The following CEBPZ variants were observed in gnomAD, a reference collection of about 807,000 sequenced individuals.
The protein encoded by CEBPZ is CCAAT enhancer binding protein zeta.
A neutral mutation model predicts 104.5 loss-of-function variants in CEBPZ; 78 were observed. That is an observed-to-expected ratio of 0.75 (90% CI 0.62 to 0.90). The LOEUF (loss-of-function observed/expected upper bound fraction) is 0.90, where lower values mean the gene tolerates loss of function less well. CEBPZ is among the 40% of genes least tolerant of loss of function. The probability of loss-of-function intolerance (pLI) is 0.00; values close to 1 mark genes in which losing one functional copy is unlikely to be tolerated. For missense variants in CEBPZ, 1,439 were observed against 1,233.5 expected, an observed-to-expected ratio of 1.17 and a Z score of -2.50; for synonymous variants, 470 against 427.0, an observed-to-expected ratio of 1.10 and a Z score of -1.24.
chr2:37,205,034 C>G (rs1249357436), intron 13 of CEBPZ, among the ~76,000 whole-genome samples: 1 of 152,148 alleles, frequency 6.6e-6, no homozygotes, highest in Non-Finnish European at 1.5e-5. Context: ...TATGCTAATA[C>G]TAAAACATGA....
At chr2:37,215,743 G>A (rs1677851698) in intron 8 of CEBPZ, among the ~76,000 whole-genome samples, 1 of 152,126 alleles carries the variant, frequency 6.6e-6, no homozygotes. Context: ...AAAACCAGCT[G>A]TGGGTTTTTG....
intron 2 of CEBPZ, among the ~76,000 whole-genome samples, chr2:37,225,530 TAAAC>T (rs1185695220): frequency 7.1e-6 from 1 of 140,274 alleles, no homozygotes; most frequent in Admixed American, 7.4e-5. Flanking sequence ...TGTGCTTTGT[TAAAC>T]AGATGCTTGA....
intron 13 of CEBPZ, chr2:37,210,254 G>A (rs927396297): frequency 1.3e-5 from 2 of 152,174 alleles, no homozygotes; most frequent in Non-Finnish European, 2.9e-5. Flanking sequence ...ACTATCATTT[G>A]ATCTAGCAAT....
chr2:37,209,824 A>T (rs1363880774), intron 13 of CEBPZ: 1 of 152,206 alleles, frequency 6.6e-6, no homozygotes, highest in Non-Finnish European at 1.5e-5. Flanking sequence ...CAAAATAAAT[A>T]ATCAGCAGAG....
chr2:37,212,829 C>G (rs1395561792), intron 10 of CEBPZ, among the ~76,000 whole-genome samples: 2 of 133,672 alleles, frequency 1.5e-5, no homozygotes, highest in African/African-American at 5.5e-5. Flanking sequence ...AAGACCCTAT[C>G]TCTATTAAAA....
At chr2:37,225,031 C>A (rs1182854086) in intron 2 of CEBPZ, among the ~76,000 whole-genome samples, 1 of 145,672 alleles carries the variant, frequency 6.9e-6, no homozygotes, top group East Asian at 2.0e-4. Context: ...ATGAAACCAC[C>A]CCCCTTCAAA....
intron 8 of CEBPZ, 129 bp downstream of exon 8, chr2:37,216,011 G>GA (rs1677858245): frequency 1.5e-6 from 1 of 661,958 alleles, no homozygotes; most frequent in African/African-American, 1.9e-5. Context: ...CTATTCTTGG[G>GA]AAAAAAGATG....
At position 37,228,840 on chromosome 2, in the gene CEBPZ, A is replaced by G; in HGVS notation, c.353T>C (p.Val118Ala). 1 of 1,600,582 alleles carries G rather than the reference A, an allele frequency of 6.2e-7. No individual in the cohort carries two copies. The highest frequency in any genetic ancestry group is 8.5e-7 in the Non-Finnish European group (1 of 1,176,026). ...AEKENSSKKE[V>A]KIPKINNKNT... ...TTTATTATTTATTTTAGGTATTTTT[A>G]CTTCTTTTTTGCTGGAATTTTCTTT... Residue 118 changes from valine (V) to alanine (A), a missense_variant, in exon 2 of 16, where the codon GTA becomes GCA. Transcript: ENST00000234170.
In CEBPZ at chr2:37,220,306, ACT is replaced by A. The variant is rs10586539; in HGVS notation, c.2154+77_2154+78del. 2,210 of 370,696 alleles carry A rather than the reference ACT, an allele frequency of 6.0e-3. 43 individuals carry two copies. The highest frequency in any genetic ancestry group is 0.048 in the African/African-American group (2,068 of 43,498). 23.0% of individuals were successfully genotyped at this position (370,696 alleles called of 1,614,324 possible). On this transcript the variant is annotated intron_variant, in intron 5 of 15. Transcript: ENST00000234170. ...CACTCCAGCCTGGTGACAGAGGAAG[ACT>A]CTGTCTCAAAAAAAAAAAAAATATA...
rs1483549748 is a variant in CEBPZ at position 37,228,613 on chromosome 2, A to C, written c.580T>G (p.Leu194Val). 2 of 1,614,188 alleles carry C rather than the reference A, an allele frequency of 1.2e-6. No individual in the cohort carries two copies. Among genetic ancestry groups the C allele is most frequent in the Non-Finnish European group, 1.7e-6 (2 of 1,180,040 alleles). ...YDLEYSNEYSLKPQPQDVVSK... is the reference protein window; with the variant it reads ...YDLEYSNEYSVKPQPQDVVSK... ...ACAACATCCTGAGGCTGGGGTTTCA[A>C]AGAATATTCATTGCTGTACTCCAGA... The change falls in exon 2 of 16, where the codon TTG (leucine) becomes GTG (valine). Residue 194 changes from leucine to valine, a missense_variant. Physicochemically the swap from Leu to Val is conservative, Grantham distance 32. Coordinates refer to ENST00000234170, the MANE Select transcript of CEBPZ (RefSeq NM_005760.3).
In CEBPZ at chr2:37,212,412, T is replaced by C. The variant is rs1400899471; in HGVS notation, c.2546-20A>G. On this transcript the variant is annotated intron_variant, in intron 10 of 15. Transcript: ENST00000234170. Reference sequence around the variant, plus strand: ...ATGTGTCTGCCAGACAATACAGAAATGTGAGATACAACAAAGAATGACAAG... The same window carrying C: ...ATGTGTCTGCCAGACAATACAGAAACGTGAGATACAACAAAGAATGACAAG... The C allele has an allele frequency of 6.3e-7, 1 of 1,598,542 alleles. No individual in the cohort carries two copies. The highest frequency in any genetic ancestry group is 2.2e-5 in the East Asian group (1 of 44,736).
In CEBPZ at chr2:37,227,659, A is replaced by ATATG; in HGVS notation, c.1533_1534insCATA (p.Phe512HisfsTer3). 2 of 1,614,210 alleles carry ATATG rather than the reference A, an allele frequency of 1.2e-6. No individual in the cohort carries two copies. Among genetic ancestry groups the ATATG allele is most frequent in the Non-Finnish European group, 1.7e-6 (2 of 1,180,036 alleles). On this transcript the variant is annotated frameshift_variant, in exon 2 of 16. Coordinates refer to ENST00000234170, the MANE Select transcript of CEBPZ (RefSeq NM_005760.3). LOFTEE classifies it high-confidence loss of function. ...AAATTCACAATATGCAACACTTTAA[A>ATATG]CAGTGTGTCAATCTGCTCCCTTACT...
chr2:37,210,460 T>C (rs145203511), intron 13 of CEBPZ: 1,949 of 152,390 alleles, frequency 0.013, 48 homozygotes, highest in Non-Finnish European at 0.012. Flanking sequence ...AGAGAAATAA[T>C]GGCATTCGCA....
chr2:37,228,287 C>T lies in CEBPZ; in HGVS notation c.906G>A (p.Arg302=). 3 of 1,614,180 alleles carry T rather than the reference C, an allele frequency of 1.9e-6. No homozygotes were observed. The highest frequency in any genetic ancestry group is 2.5e-6 in the Non-Finnish European group (3 of 1,180,020). ...LLITDLLPDN[R]KLRIFSQRPF... ...GACGCTGGCTGAAAATCCTCAGCTT[C>T]CGATTGTCTGGCAAAAGGTCTGTGA... is the stretch of plus-strand genomic sequence containing the variant. The change falls in exon 2 of 16, where the codon CGG becomes CGA. Residue 302 remains arginine, a synonymous_variant. Coordinates refer to ENST00000234170, the MANE Select transcript of CEBPZ (RefSeq NM_005760.3).
At chr2:37,208,146 A>C (rs1386483929) in intron 13 of CEBPZ, among the ~76,000 whole-genome samples, 1 of 152,178 alleles carries the variant, frequency 6.6e-6, no homozygotes, top group African/African-American at 2.4e-5. Context: ...AGCACGACTG[A>C]AACAGTAATA....
rs1677797945 is a variant in CEBPZ at position 37,213,765 on chromosome 2, T to A, written c.2545+99A>T. On this transcript the variant is annotated intron_variant, in intron 10 of 15. Transcript: ENST00000234170. ...GATTTGCATGATATTCTTAGCTAAG[T>A]GATTTTTTAAAACTAAGGCCACTTC... 3 of 760,590 alleles carry A rather than the reference T, an allele frequency of 3.9e-6. 1 individual carries two copies. The Admixed American group carries it at 9.0e-5, about 23-fold the overall frequency. The allele number at this position is 760,590 out of a possible 1,614,324, so 47.1% of individuals were successfully genotyped here.
At chr2:37,230,254 G>T (rs934439764) in intron 1 of CEBPZ, among the ~76,000 whole-genome samples, 2 of 152,068 alleles carry the variant, frequency 1.3e-5, no homozygotes, top group African/African-American at 2.4e-5. Context: ...TATATATATG[G>T]TACCATTTAT....
chr2:37,211,727 G>A, intron 12 of CEBPZ, 116 bp downstream of exon 12: 1 of 709,446 alleles, frequency 1.4e-6, no homozygotes, highest in Non-Finnish European at 2.2e-6. Context: ...GTTTCTGGCT[G>A]ACATGAGTAT....
At position 37,231,596 on chromosome 2, in the gene CEBPZ, C is replaced by A. The variant is rs766271517; in HGVS notation, c.-29G>T. The A allele has an allele frequency of 6.2e-7, 1 of 1,614,254 alleles. No individual in the cohort carries two copies. The highest frequency in any genetic ancestry group is 1.1e-5 in the South Asian group (1 of 91,084). On this transcript the variant is annotated 5_prime_UTR_variant, in exon 1 of 16. Coordinates refer to ENST00000234170, the MANE Select transcript of CEBPZ (RefSeq NM_005760.3). Reference sequence around the variant, plus strand: ...GGGCAAAGCATACGCGCGTGAAACTCAGCCTATTTCCGCTCTGCCAGTGGC... The same window carrying A: ...GGGCAAAGCATACGCGCGTGAAACTAAGCCTATTTCCGCTCTGCCAGTGGC...
Sources: allele counts gnomAD v4.1 joint callset (sites outside exome capture counted in the v4.1 genomes callset), GRCh38; gene constraint gnomAD v4.1.1; transcripts MANE v1.5; gene names NCBI Gene and HGNC (gene_info 2026-07-23, HGNC 2026-07-21).